The following ADGRL2 variants were observed in gnomAD, a reference collection of about 807,000 sequenced individuals.
ADGRL2 encodes the protein adhesion G protein-coupled receptor L2, also known as calcium-independent alpha-latrotoxin receptor 2.
Under a neutral mutation model 157.4 loss-of-function variants are expected in ADGRL2, and 44 were observed. The ratio of observed to expected loss-of-function variants is 0.28; its 90% CI spans 0.22 to 0.36. ADGRL2 has a LOEUF of 0.36. Among genes scored for constraint, ADGRL2 ranks in the 10% least tolerant of loss-of-function variants. The pLI is 1.00. For missense variants in ADGRL2, 1,510 were observed against 1,768.9 expected (o/e 0.85, Z 2.63); for synonymous variants, 585 against 624.7 (o/e 0.94, Z 0.95).
intron 3 of ADGRL2, chr1:81,596,363 G>A: frequency 1.9e-6 from 1 of 515,852 alleles, no homozygotes. Flanking sequence ...CTTTCACTTC[G>A]AGATTCTTTT....
At chr1:81,868,783 CT>C in intron 2 of ADGRL2, among the ~76,000 whole-genome samples, 1 of 151,724 alleles carries the variant, frequency 6.6e-6, no homozygotes, top group South Asian at 2.1e-4. Context: ...TATTTTACAT[CT>C]TTTTTGGGGG....
chr1:81,745,174 A>G (rs1393372066), intron 1 of ADGRL2, among the ~76,000 whole-genome samples: 1 of 152,160 alleles, frequency 6.6e-6, no homozygotes, highest in Non-Finnish European at 1.5e-5. Context: ...TAAAAGACCC[A>G]ATGTGGAGTT....
At position 81,504,201 on chromosome 1, in the gene ADGRL2, C is replaced by A. The variant is rs150251496; in HGVS notation, c.-248+59112C>A. On this transcript the variant is annotated intron_variant, in intron 2 of 24. Coordinates refer to the ADGRL2 transcript ENST00000370721. The stretch of plus-strand genomic sequence containing the variant: ...CACGGACCATTCTCTGGCCGCCCCC[C>A]CAAACCTCATGCTCCCCGCTTGCCC... 2.3e-3 allele frequency among the ~76,000 whole-genome samples: 352 copies of A among 152,272 alleles called. 2 individuals carry two copies. The highest frequency in any genetic ancestry group is 8.1e-3 in the African/African-American group (336 of 41,562).
chr1:81,352,594 G>C (rs995788137), intron 1 of ADGRL2, among the ~76,000 whole-genome samples: 5 of 152,122 alleles, frequency 3.3e-5, no homozygotes, highest in Non-Finnish European at 7.3e-5. Context: ...AATTCTTTAA[G>C]ACAATGGCGA....
chr1:81,855,250 G>T (rs887380259), intron 2 of ADGRL2, among the ~76,000 whole-genome samples: 1 of 151,990 alleles, frequency 6.6e-6, no homozygotes, highest in Non-Finnish European at 1.5e-5. Flanking sequence ...ATCAGCCTGG[G>T]TAACATAGAT....
At chr1:81,527,099 A>T (rs1323676303) in intron 2 of ADGRL2, among the ~76,000 whole-genome samples, 2 of 152,256 alleles carry the variant, frequency 1.3e-5, no homozygotes, top group Non-Finnish European at 2.9e-5. Context: ...GAATGTTTTC[A>T]TTCAATAAAG....
chr1:81,405,116 A>G (rs2076829948), intron 1 of ADGRL2, among the ~76,000 whole-genome samples: 2 of 152,174 alleles, frequency 1.3e-5, no homozygotes, highest in Non-Finnish European at 1.5e-5. Flanking sequence ...CCTGAATTTT[A>G]TGACGGTGCT....
At chr1:81,381,323 T>G (rs1326632778) in intron 1 of ADGRL2, among the ~76,000 whole-genome samples, 1 of 152,168 alleles carries the variant, frequency 6.6e-6, no homozygotes, top group Non-Finnish European at 1.5e-5. Flanking sequence ...TAAAAATTAG[T>G]GAAGATAGTA....
chr1:81,407,923 C>G (rs4650538), intron 1 of ADGRL2, among the ~76,000 whole-genome samples: 65,357 of 151,946 alleles, frequency 0.43, 14,278 homozygotes, highest in East Asian at 0.54. Context: ...GTTAGCACAG[C>G]AAGCAGAAAT....
At chr1:81,511,133 A>G (rs897174412) in intron 2 of ADGRL2, among the ~76,000 whole-genome samples, 3 of 152,136 alleles carry the variant, frequency 2.0e-5, no homozygotes, top group African/African-American at 7.2e-5. Context: ...CTATAACAAT[A>G]TGAAATATCT....
At chr1:81,906,951 G>C in intron 2 of ADGRL2, 66 bp from the exon 3 acceptor site, 2 of 1,254,200 alleles carry the variant, frequency 1.6e-6, no homozygotes, top group African/African-American at 1.5e-5. Flanking sequence ...ACTTGAAAAT[G>C]CTTTACTAAA....
chr1:81,394,458 T>A (rs79758581), intron 1 of ADGRL2, among the ~76,000 whole-genome samples: 4,037 of 152,280 alleles, frequency 0.027, 87 homozygotes, highest in Middle Eastern at 0.088. Flanking sequence ...TGAGAACATA[T>A]GGTATCTATC....
intron 2 of ADGRL2, among the ~76,000 whole-genome samples, chr1:81,462,678 A>G (rs949102252): frequency 2.0e-5 from 3 of 152,186 alleles, no homozygotes; most frequent in African/African-American, 7.2e-5. Context: ...TTTTCCAAGT[A>G]TTTTATTAAG....
At chr1:81,759,453 A>C (rs2149299799) in intron 1 of ADGRL2, among the ~76,000 whole-genome samples, 1 of 152,290 alleles carries the variant, frequency 6.6e-6, no homozygotes, top group African/African-American at 2.4e-5. Context: ...ACTATACAGT[A>C]TCAAATTAAA....
chr1:81,919,270 C>G (rs2094927389), intron 3 of ADGRL2, among the ~76,000 whole-genome samples: 1 of 151,978 alleles, frequency 6.6e-6, no homozygotes, highest in African/African-American at 2.4e-5. Flanking sequence ...TAGAATAACC[C>G]ATTTTCGCAG....
At chr1:81,933,740 T>G (rs2095268527) in intron 3 of ADGRL2, among the ~76,000 whole-genome samples, 2 of 152,136 alleles carry the variant, frequency 1.3e-5, no homozygotes, top group Non-Finnish European at 2.9e-5. Flanking sequence ...ATTTGGAAAC[T>G]TAATGCTGCT....
chr1:81,786,980 T>C (rs1383010790), intron 2 of ADGRL2, among the ~76,000 whole-genome samples: 1 of 152,166 alleles, frequency 6.6e-6, no homozygotes, highest in African/African-American at 2.4e-5. Context: ...ATCTGAATCA[T>C]GGGGATGGGG....
intron 1 of ADGRL2, among the ~76,000 whole-genome samples, chr1:81,336,242 CT>C (rs1414473771): frequency 6.6e-5 from 10 of 152,168 alleles, no homozygotes; most frequent in Non-Finnish European, 1.5e-4. Context: ...TTTGTGCAAG[CT>C]ATAATAATGC....
intron 2 of ADGRL2, among the ~76,000 whole-genome samples, chr1:81,900,082 T>G (rs1460036514): frequency 1.3e-5 from 2 of 152,176 alleles, no homozygotes; most frequent in East Asian, 3.9e-4. Context: ...AATCTTTCTC[T>G]GCCTCAACTT....
Sources: gnomAD v4.1 joint callset for allele counts (sites outside exome capture counted in the v4.1 genomes callset) on GRCh38, gnomAD v4.1.1 for gene constraint, MANE v1.5 for transcripts, NCBI Gene and HGNC (gene_info 2026-07-23, HGNC 2026-07-21) for gene names.